MBD2: variants seen among roughly 807,000 people sequenced by gnomAD.
The protein encoded by MBD2 is methyl-CpG binding domain protein 2, also known as methyl-CpG-binding domain protein 2.
In MBD2, 9 loss-of-function variants were observed where a neutral mutation model predicts 39.3. That is an observed-to-expected ratio of 0.23 (90% CI 0.14 to 0.40). The LOEUF is 0.40. Among genes scored for constraint, MBD2 ranks in the 10% least tolerant of loss-of-function variants. The probability of loss-of-function intolerance (pLI) is 1.00; values close to 1 mark genes in which losing one functional copy is unlikely to be tolerated. For synonymous variants in MBD2, 233 were observed against 211.1 expected (o/e 1.10, Z -0.90); for missense variants, 458 against 532.6 (o/e 0.86, Z 1.38).
chr18:54,168,740 A>C (rs2086156639), intron 3 of MBD2, among the ~76,000 whole-genome samples: 1 of 151,180 alleles, frequency 6.6e-6, no homozygotes, highest in Non-Finnish European at 1.5e-5. Flanking sequence ...AGTTTAAAAA[A>C]AGAAAACACT....
At chr18:54,212,566 A>G (rs1479403306) in intron 1 of MBD2, among the ~76,000 whole-genome samples, 1 of 152,110 alleles carries the variant, frequency 6.6e-6, no homozygotes, top group Non-Finnish European at 1.5e-5. Flanking sequence ...AAGATTGACT[A>G]TGTGTTGACA....
At chr18:54,175,400 T>C (rs1245619275) in intron 3 of MBD2, among the ~76,000 whole-genome samples, 3 of 152,204 alleles carry the variant, frequency 2.0e-5, no homozygotes, top group African/African-American at 7.2e-5. Context: ...CCTCCTATTT[T>C]AGAGAAATAA....
chr18:54,204,465 T>C, intron 2 of MBD2, among the ~76,000 whole-genome samples: 1 of 152,216 alleles, frequency 6.6e-6, no homozygotes, highest in East Asian at 1.9e-4. Context: ...GAGATTTGCT[T>C]AAATTGCTAT....
chr18:54,210,988 C>G (rs911659855), intron 1 of MBD2, among the ~76,000 whole-genome samples: 1 of 148,334 alleles, frequency 6.7e-6, no homozygotes, highest in African/African-American at 2.5e-5. Flanking sequence ...TCTCCTGCCT[C>G]AGCCTCCCAA....
intron 1 of MBD2, among the ~76,000 whole-genome samples, chr18:54,220,503 A>C (rs2086601611): frequency 6.6e-6 from 1 of 152,200 alleles, no homozygotes; most frequent in African/African-American, 2.4e-5. Flanking sequence ...ATTTCAGTCC[A>C]ATTAATAAGT....
intron 3 of MBD2, among the ~76,000 whole-genome samples, chr18:54,185,584 A>G (rs1463276625): frequency 1.3e-5 from 2 of 152,146 alleles, no homozygotes; most frequent in Non-Finnish European, 2.9e-5. Context: ...GGGGTAAACT[A>G]GGAAAGGCAT....
chr18:54,174,062 C>T (rs1368997426), intron 3 of MBD2, among the ~76,000 whole-genome samples: 1 of 152,166 alleles, frequency 6.6e-6, no homozygotes, highest in Admixed American at 6.5e-5. Context: ...GCAAAAACAA[C>T]CTTAACCAGT....
At chr18:54,188,639 G>A (rs1176550254) in intron 3 of MBD2, among the ~76,000 whole-genome samples, 1 of 152,002 alleles carries the variant, frequency 6.6e-6, no homozygotes. Flanking sequence ...CACACGAAAA[G>A]CATAAAAATT....
chr18:54,159,749 T>G lies in MBD2; in HGVS notation c.*12+16A>C, dbSNP rs1180583744. ...ACACCTTAAGTTCCAAGTCACTCTC[T>G]CTGGTGTCAGTTTACCTGATCATAT... On this transcript the variant is annotated intron_variant, in intron 6 of 6. Transcript: ENST00000256429. 2 of 1,603,388 alleles carry G rather than the reference T, an allele frequency of 1.2e-6. No individual in the cohort carries two copies. The highest frequency in any genetic ancestry group is 2.7e-5 in the African/African-American group (2 of 74,896).
intron 1 of MBD2, among the ~76,000 whole-genome samples, chr18:54,218,342 T>C (rs952254250): frequency 6.6e-6 from 1 of 152,230 alleles, no homozygotes; most frequent in Non-Finnish European, 1.5e-5. Flanking sequence ...TTTGGTACAA[T>C]AGCTTCACTA....
intron 3 of MBD2, chr18:54,187,593 T>C: frequency 1.4e-6 from 1 of 702,584 alleles, no homozygotes; most frequent in Non-Finnish European, 1.7e-6. Context: ...GGTGTGGTAG[T>C]AAAACAGAAG....
intron 3 of MBD2, among the ~76,000 whole-genome samples, chr18:54,173,602 G>A (rs1016114027): frequency 2.7e-4 from 41 of 152,200 alleles, no homozygotes; most frequent in Non-Finnish European, 6.0e-4. Context: ...GTTCTGGCCA[G>A]ATCTATGCAA....
intron 3 of MBD2, among the ~76,000 whole-genome samples, chr18:54,170,291 G>A (rs1414643428): frequency 1.3e-5 from 2 of 152,180 alleles, no homozygotes; most frequent in South Asian, 4.1e-4. Flanking sequence ...TTTACTGAAA[G>A]TAAAATGAAC....
At chr18:54,180,903 C>CTTTTTT (rs1189903798) in intron 3 of MBD2, among the ~76,000 whole-genome samples, 531 of 49,706 alleles carry the variant, frequency 0.011, no homozygotes, top group Non-Finnish European at 0.014. Context: ...TTTTCTTTTT[C>CTTTTTT]TTTTTTTTTT....
At chr18:54,166,239 A>G in intron 3 of MBD2, 73 bp from the exon 4 acceptor site, 1 of 855,016 alleles carries the variant, frequency 1.2e-6, no homozygotes, top group African/African-American at 1.7e-5. Context: ...GCTGTTGAAT[A>G]ATGAAATTTA....
rs1555658771 is a variant in MBD2 at position 54,151,847 on chromosome 18, A to AG, written c.*3476_*3477insC. 6.6e-6 allele frequency: 1 copy of AG among 150,956 alleles called. No individual in the cohort carries two copies. The highest frequency in any genetic ancestry group is 1.9e-4 in the East Asian group (1 of 5,136). The allele number at this position is 150,956 out of a possible 1,614,324, so 9.4% of individuals were successfully genotyped here. The stretch of plus-strand genomic sequence containing the variant: ...CTTTAGACCAAAAAAAAAAAAAAAA[A>AG]CACCCTGGAAGCCACCAAGGGCATT... On this transcript the variant is annotated 3_prime_UTR_variant, in exon 7 of 7. Transcript: ENST00000256429.
chr18:54,157,017 A>C (rs1000063872), intron 6 of MBD2, among the ~76,000 whole-genome samples: 1 of 152,156 alleles, frequency 6.6e-6, no homozygotes, highest in Non-Finnish European at 1.5e-5. Context: ...AACAGTGCAG[A>C]ATCTGGATCA....
At chr18:54,165,992 T>C (rs2086128894) in intron 4 of MBD2, 84 bp downstream of exon 4, 3 of 912,780 alleles carry the variant, frequency 3.3e-6, no homozygotes, top group Non-Finnish European at 5.3e-6. Flanking sequence ...CTGTCAGTCA[T>C]TGCTGAATCC....
chr18:54,167,357 A>G (rs902835545), intron 3 of MBD2, among the ~76,000 whole-genome samples: 1 of 152,368 alleles, frequency 6.6e-6, no homozygotes, highest in Admixed American at 6.5e-5. Flanking sequence ...ATCTCTAGAT[A>G]GACGACCTTG....
Sources: gnomAD v4.1 joint callset for allele counts (sites outside exome capture counted in the v4.1 genomes callset) on GRCh38, gnomAD v4.1.1 for gene constraint, MANE v1.5 for transcripts, NCBI Gene and HGNC (gene_info 2026-07-23, HGNC 2026-07-21) for gene names.